The following MMP8 variants were observed in gnomAD, a reference collection of about 807,000 sequenced individuals.
MMP8 encodes the protein matrix metallopeptidase 8.
Under a neutral mutation model 51.2 loss-of-function variants are expected in MMP8, and 67 were observed. The ratio of observed to expected loss-of-function variants is 1.31; its 90% CI spans 1.08 to 1.60. The LOEUF (loss-of-function observed/expected upper bound fraction) is 1.60. Ranked by LOEUF, MMP8 falls within the 40% of genes most tolerant of loss-of-function variation. MMP8 has a pLI of 0.00. For missense variants in MMP8, 654 were observed against 558.1 expected (o/e 1.17, Z -1.73); for synonymous variants, 225 against 191.0 (o/e 1.18, Z -1.47).
In MMP8 at chr11:102,718,505, A is replaced by T. The variant is rs569568638; in HGVS notation, c.693T>A (p.Pro231=). The change falls in exon 5 of 10, where the codon CCT becomes CCA. Residue 231 remains proline (P), a synonymous_variant. Transcript: ENST00000236826. ...HSLGLAHSSD[P]GALMYPNYAF... is the part of the protein sequence containing the mutation. ...CATAGTTGGGATACATCAAGGCACC[A>T]GGGTCAGAGGAGTGAGCGAGCCCCA... The T allele has an allele frequency of 3.1e-6, 5 of 1,613,992 alleles. No individual in the cohort carries two copies.
rs112836357 is a variant in MMP8 at position 102,716,521 on chromosome 11, T to C, written c.785-102A>G. On this transcript the variant is annotated intron_variant, in intron 5 of 9. Coordinates refer to ENST00000236826, the MANE Select transcript of MMP8 (RefSeq NM_002424.3). ...GACTTCTCAGAAAGGTGAAGGGTCT[T>C]CATGTGAAGGTAAGTGCTACCAGAC... The C allele has an allele frequency of 2.6e-3, 1,610 of 620,626 alleles. 29 individuals carry two copies. The African/African-American group carries it at 0.03, about 12-fold the overall frequency. 38.4% of individuals were successfully genotyped at this position (620,626 alleles called of 1,614,324 possible).
intron 4 of MMP8, among the ~76,000 whole-genome samples, chr11:102,720,222 A>G (rs760300886): frequency 1.3e-5 from 2 of 152,234 alleles, no homozygotes; most frequent in Admixed American, 1.3e-4. Flanking sequence ...ATGTGTAAAC[A>G]TTGAAACTTT....
chr11:102,723,678 C>A, intron 1 of MMP8: 1 of 286,860 alleles, frequency 3.5e-6, no homozygotes. Flanking sequence ...AGCCAGAACC[C>A]ACTCCAGCAA....
chr11:102,721,337 T>C (rs1861463365), intron 4 of MMP8, 64 bp downstream of exon 4: 2 of 1,582,028 alleles, frequency 1.3e-6, no homozygotes, highest in South Asian at 2.3e-5. Flanking sequence ...TGTGTGTGTG[T>C]GTATTCTAAT....
At chr11:102,723,633 A>C (rs1591684477) in intron 1 of MMP8, 1 of 371,278 alleles carries the variant, frequency 2.7e-6, no homozygotes, top group Admixed American at 3.5e-5. Context: ...TCTTTATAAT[A>C]CCCATTCTAT....
rs1036083114 is a variant in MMP8, at chr11:102,716,786, A to T, written c.785-367T>A. 1.3e-5 allele frequency among the ~76,000 whole-genome samples: 2 copies of T among 152,106 alleles called. 1 individual carries two copies. The highest frequency in any genetic ancestry group is 4.1e-4 in the South Asian group (2 of 4,832). On this transcript the variant is annotated intron_variant, in intron 5 of 9. Coordinates refer to ENST00000236826, the MANE Select transcript of MMP8 (RefSeq NM_002424.3). ...ATTGCCTCTCTCCTCACCAAAATCCACTTTCAGGAAAGAATGATATTAGTC... is the reference window on the plus strand; with the variant it reads ...ATTGCCTCTCTCCTCACCAAAATCCTCTTTCAGGAAAGAATGATATTAGTC...
intron 5 of MMP8, 26 bp from the exon 6 acceptor site, chr11:102,716,445 AAAG>A: frequency 7.4e-7 from 1 of 1,351,484 alleles, no homozygotes; most frequent in Non-Finnish European, 1.0e-6. Context: ...AAAAAAAAAA[AAAG>A]GTCTTTCTTA....
Position 102,715,177 on chromosome 11 carries a change from T to C in MMP8, c.1036+127A>G. The stretch of plus-strand genomic sequence containing the variant: ...GTCCTGATGGGGCCCAACCCTAGTC[T>C]TCTGGCAAAAGCCTGGCCAGCTTAA... On this transcript the variant is annotated intron_variant, in intron 7 of 9. Transcript: ENST00000236826. The C allele has an allele frequency of 3.3e-6, 4 of 1,197,590 alleles. No homozygotes were observed. In the South Asian group the frequency reaches 6.5e-5, roughly 19 times the overall value. 74.2% of individuals were successfully genotyped at this position (1,197,590 alleles called of 1,614,324 possible). A position where few individuals can be genotyped will look rare whatever the true frequency, so the allele number is the denominator to read the frequency against.
In MMP8 at chr11:102,724,735, T is replaced by A. The variant is rs1436674200; in HGVS notation, c.102+19A>T. The A allele has an allele frequency of 1.3e-6, 2 of 1,576,896 alleles. No individual in the cohort carries two copies. The highest frequency in any genetic ancestry group is 2.4e-5 in the South Asian group (2 of 84,992). ...AATAATCAGCAAATCAAACATCACCTAACTGATAGTTCATTTACCTGAACA... is the reference window on the plus strand; with the variant it reads ...AATAATCAGCAAATCAAACATCACCAAACTGATAGTTCATTTACCTGAACA... On this transcript the variant is annotated intron_variant, in intron 1 of 9. Coordinates refer to ENST00000236826, the MANE Select transcript of MMP8 (RefSeq NM_002424.3).
intron 4 of MMP8, 118 bp from the exon 5 acceptor site, chr11:102,718,693 G>C: frequency 9.0e-7 from 1 of 1,108,166 alleles, no homozygotes; most frequent in Non-Finnish European, 1.3e-6. Context: ...CCTTCCCATG[G>C]CTGTCTTTTT....
intron 1 of MMP8, 72 bp downstream of exon 1, chr11:102,724,680 AAC>A (rs1861567810): frequency 7.7e-7 from 1 of 1,298,872 alleles, no homozygotes; most frequent in African/African-American, 1.5e-5. Context: ...TGTTTTAATT[AAC>A]AAGAGAAAAC....
rs1316070715 is a variant in MMP8, at chr11:102,713,813, C to T, written c.1235G>A (p.Ser412Asn). 3.1e-6 allele frequency: 5 copies of T among 1,612,360 alleles called. No individual in the cohort carries two copies. The highest frequency in any genetic ancestry group is 1.1e-5 in the South Asian group (1 of 90,684). ...RQFMEPGYPK[S>N]ISGAFPGIES... ...TATTCCTGGAAAGGCACCTGATATG[C>T]TTTTGGGATAACCTGGCTCCATGAA... The change falls in exon 9 of 10, where the codon AGC becomes AAC. Residue 412 changes from serine (S) to asparagine (N), a missense_variant. By Grantham distance (46) the Ser-to-Asn change is conservative. Coordinates refer to ENST00000236826, the MANE Select transcript of MMP8 (RefSeq NM_002424.3).
At chr11:102,723,519 T>A (rs1861535053) in intron 1 of MMP8, 1 of 456,050 alleles carries the variant, frequency 2.2e-6, no homozygotes, top group African/African-American at 2.0e-5. Flanking sequence ...GGTGGCTGCA[T>A]CTGGTTGGCT....
In MMP8 at chr11:102,722,523, T is replaced by A. The variant is rs1442501887; in HGVS notation, c.253A>T (p.Met85Leu). 1.9e-6 allele frequency: 3 copies of A among 1,613,862 alleles called. No homozygotes were observed. Residue 85 changes from methionine to leucine, a missense_variant, in exon 2 of 10, where the codon ATG becomes TTG. Transcript: ENST00000236826. ...TGKPNEETLD[M>L]MKKPRCGVPD... ...ACTCCACAGCGAGGCTTTTTCATCA[T>A]GTCCAGAGTTTCCTCATTTGGCTTC...
In MMP8 at chr11:102,721,500, C is replaced by T. The variant is rs776868089; in HGVS notation, c.523G>A (p.Gly175Arg). The part of the protein sequence containing the change: ...RDHGDNSPFD[G>R]PNGILAHAFQ... Reference sequence around the variant, plus strand: ...GCATGAGCAAGGATTCCATTGGGTCCATCAAATGGAGAATTGTCACCGTGA... The same window carrying T: ...GCATGAGCAAGGATTCCATTGGGTCTATCAAATGGAGAATTGTCACCGTGA... Residue 175 changes from glycine (G) to arginine (R), a missense_variant, in exon 4 of 10, where the codon GGA (glycine) becomes AGA (arginine). By Grantham distance (125) the Gly-to-Arg change is moderately radical. Transcript: ENST00000236826. 40 of 1,613,738 alleles carry T rather than the reference C, an allele frequency of 2.5e-5. No individual in the cohort carries two copies. The highest frequency in any genetic ancestry group is 3.4e-5 in the Non-Finnish European group (40 of 1,179,836).
chr11:102,716,574 A>G (rs1296422481), intron 5 of MMP8, among the ~76,000 whole-genome samples, 155 bp from the exon 6 acceptor site: 1 of 152,142 alleles, frequency 6.6e-6, no homozygotes, highest in Non-Finnish European at 1.5e-5. Context: ...AAGTAATTGT[A>G]TATTTCATCC....
chr11:102,721,831 G>C, intron 2 of MMP8, 69 bp from the exon 3 acceptor site: 1 of 1,553,418 alleles, frequency 6.4e-7, no homozygotes, highest in Non-Finnish European at 8.8e-7. Context: ...CTGATGAGTT[G>C]TTCTGTTTTG....
chr11:102,712,091 C>T lies in MMP8; in HGVS notation c.*1257G>A, dbSNP rs1861140480. ...ACAAAAAAACCCATCCGTTAGCAAACTTACACATCTAAGCTCAGTTTAATG... is the reference window on the plus strand; with the variant it reads ...ACAAAAAAACCCATCCGTTAGCAAATTTACACATCTAAGCTCAGTTTAATG... On this transcript the variant is annotated 3_prime_UTR_variant, in exon 10 of 10. Coordinates refer to ENST00000236826, the MANE Select transcript of MMP8 (RefSeq NM_002424.3). 1 of 152,188 alleles carries T rather than the reference C, an allele frequency of 6.6e-6. No individual in the cohort carries two copies. Among genetic ancestry groups the T allele is most frequent in the Non-Finnish European group, 1.5e-5 (1 of 68,034 alleles). The allele number at this position is 152,188 out of a possible 1,614,324, so 9.4% of individuals were successfully genotyped here.
Position 102,724,754 on chromosome 11 carries a change from C to A in MMP8, c.102G>T (p.Gln34His). 1 of 1,588,016 alleles carries A rather than the reference C, an allele frequency of 6.3e-7. No individual in the cohort carries two copies. The highest frequency in any genetic ancestry group is 1.7e-5 in the Admixed American group (1 of 58,320). The part of the protein sequence containing the change: ...SSKEKNTKTV[Q>H]DYLEKFYQLP... ...ATCACCTAACTGATAGTTCATTTAC[C>A]TGAACAGTTTTTGTATTTTTCTCTT... is the stretch of plus-strand genomic sequence containing the variant. The change falls in exon 1 of 10, where the codon CAG (glutamine) becomes CAT (histidine). Residue 34 changes from glutamine (Q) to histidine (H), a missense_variant and splice_region_variant. Coordinates refer to ENST00000236826, the MANE Select transcript of MMP8 (RefSeq NM_002424.3).
Sources: gnomAD v4.1 joint callset for allele counts (sites outside exome capture counted in the v4.1 genomes callset) on GRCh38, gnomAD v4.1.1 for gene constraint, MANE v1.5 for transcripts, NCBI Gene and HGNC (gene_info 2026-07-23, HGNC 2026-07-21) for gene names.